The following RAD54B variants were observed in gnomAD, a reference collection of about 807,000 sequenced individuals.
The protein encoded by RAD54B is DNA repair and recombination protein RAD54B.
In RAD54B, 78 loss-of-function variants were observed where a neutral mutation model predicts 95.8. The observed-to-expected ratio is 0.81, with a 90% confidence interval of 0.68 to 0.98. RAD54B has a LOEUF of 0.98. RAD54B is among the 50% of genes least tolerant of loss of function. RAD54B has a pLI of 0.00. For missense variants in RAD54B, 957 were observed against 1,056.6 expected, an observed-to-expected ratio of 0.91 and a Z score of 1.31; for synonymous variants, 328 against 354.9, an observed-to-expected ratio of 0.92 and a Z score of 0.85.
At chr8:94,399,374 G>A (rs1811213580) in intron 8 of RAD54B, 40 bp downstream of exon 8, 5 of 1,533,556 alleles carry the variant, frequency 3.3e-6, no homozygotes, top group African/African-American at 1.4e-5. Flanking sequence ...TGTTCACTAG[G>A]CAAAAATTCC....
chr8:94,395,986 T>A (rs1256678831), intron 8 of RAD54B, among the ~76,000 whole-genome samples: 3 of 151,402 alleles, frequency 2.0e-5, no homozygotes, highest in South Asian at 2.1e-4. Context: ...CCAACTGATA[T>A]ACAAAGGGAA....
intron 2 of RAD54B, among the ~76,000 whole-genome samples, chr8:94,461,412 G>C (rs1221845888): frequency 1.3e-5 from 2 of 149,898 alleles, no homozygotes; most frequent in Non-Finnish European, 3.0e-5. Flanking sequence ...CAGGTGATCC[G>C]CCTGCCTCAG....
At chr8:94,397,886 A>AT (rs569035597) in intron 8 of RAD54B, among the ~76,000 whole-genome samples, 2,122 of 149,026 alleles carry the variant, frequency 0.014, 19 homozygotes, top group Non-Finnish European at 0.02. Flanking sequence ...CAGCTAACTC[A>AT]TTTTTTTTTT....
intron 1 of RAD54B, among the ~76,000 whole-genome samples, chr8:94,468,826 CA>C (rs1172036946): frequency 7.6e-5 from 11 of 144,742 alleles, no homozygotes; most frequent in Middle Eastern, 3.6e-3. Context: ...GACTCTGTCT[CA>C]AAAAAAAAAA....
intron 6 of RAD54B, among the ~76,000 whole-genome samples, chr8:94,401,637 T>G (rs368985965): frequency 2.0e-4 from 31 of 152,188 alleles, no homozygotes; most frequent in Non-Finnish European, 8.8e-5. Context: ...AACTCCTGAG[T>G]TGTTCAAGAG....
At chr8:94,387,856 C>T (rs1274155811) in intron 10 of RAD54B, among the ~76,000 whole-genome samples, 1 of 152,176 alleles carries the variant, frequency 6.6e-6, no homozygotes, top group Non-Finnish European at 1.5e-5. Flanking sequence ...ATGACTACAT[C>T]ACTTTTTGGG....
At chr8:94,458,640 G>C (rs1357535924) in intron 2 of RAD54B, among the ~76,000 whole-genome samples, 1 of 152,212 alleles carries the variant, frequency 6.6e-6, no homozygotes, top group Non-Finnish European at 1.5e-5. Flanking sequence ...GCCGAGGCGG[G>C]TGAATTACTT....
chr8:94,398,258 AT>A (rs1462888611), intron 8 of RAD54B, among the ~76,000 whole-genome samples: 1 of 152,064 alleles, frequency 6.6e-6, no homozygotes, highest in African/African-American at 2.4e-5. Flanking sequence ...TCCCAAAATC[AT>A]TTTTTTAAAG....
Position 94,404,141 on chromosome 8 carries a change from A to C in RAD54B, c.880T>G (p.Tyr294Asp). The part of the protein sequence containing the change: ...VDVVIDPYLV[Y>D]HLRPHQKEGI... The stretch of plus-strand genomic sequence containing the variant: ...TCTTTCTGATGTGGTCGAAGATGAT[A>C]TACAAGGTAAGGATCAATCACTACA... The change falls in exon 6 of 15, where the codon TAT becomes GAT. Residue 294 changes from tyrosine (Y) to aspartate (D), a missense_variant. By Grantham distance (160) the Tyr-to-Asp change is radical. Transcript: ENST00000336148. The C allele has an allele frequency of 6.2e-7, 1 of 1,611,180 alleles. No individual in the cohort carries two copies. The highest frequency in any genetic ancestry group is 8.5e-7 in the Non-Finnish European group (1 of 1,177,820).
At chr8:94,417,526 G>C (rs1411567744) in intron 3 of RAD54B, among the ~76,000 whole-genome samples, 1 of 149,046 alleles carries the variant, frequency 6.7e-6, no homozygotes, top group African/African-American at 2.5e-5. Context: ...TAAAGATATA[G>C]AGCAACTGAA....
At chr8:94,386,960 A>T (rs369866402) in intron 11 of RAD54B, 24 bp downstream of exon 11, 96 of 1,551,580 alleles carry the variant, frequency 6.2e-5, no homozygotes, top group Admixed American at 1.2e-4. Context: ...ATGAGCACTT[A>T]TAAGTTTGTT....
At chr8:94,436,453 G>A in intron 3 of RAD54B, 1 of 1,486,932 alleles carries the variant, frequency 6.7e-7, no homozygotes, top group Non-Finnish European at 8.9e-7. Context: ...CAATAGATAG[G>A]AGGCGCCATA....
intron 14 of RAD54B, among the ~76,000 whole-genome samples, chr8:94,377,747 C>T (rs1157988447): frequency 2.7e-5 from 4 of 150,734 alleles, no homozygotes; most frequent in Non-Finnish European, 4.4e-5. Context: ...GAGGCCGAGG[C>T]GGGCGGATCA....
chr8:94,389,293 C>T (rs1810962503), intron 10 of RAD54B, among the ~76,000 whole-genome samples: 1 of 152,220 alleles, frequency 6.6e-6, no homozygotes, highest in Admixed American at 6.5e-5. Flanking sequence ...TAACCAAGAA[C>T]ACGTATTAGA....
chr8:94,457,900 T>C (rs1812814658), intron 3 of RAD54B, among the ~76,000 whole-genome samples: 1 of 152,222 alleles, frequency 6.6e-6, no homozygotes, highest in African/African-American at 2.4e-5. Flanking sequence ...CAGACTCTAA[T>C]GAATTAACAA....
At chr8:94,439,172 G>A (rs1812338896) in intron 3 of RAD54B, among the ~76,000 whole-genome samples, 1 of 152,174 alleles carries the variant, frequency 6.6e-6, no homozygotes, top group Non-Finnish European at 1.5e-5. Context: ...TGAAGGGAGT[G>A]TAAAATGACA....
At chr8:94,446,400 A>G (rs1336694408) in intron 3 of RAD54B, among the ~76,000 whole-genome samples, 1 of 152,218 alleles carries the variant, frequency 6.6e-6, no homozygotes, top group Non-Finnish European at 1.5e-5. Flanking sequence ...GTGCATACAC[A>G]GGGCATCAAA....
intron 3 of RAD54B, among the ~76,000 whole-genome samples, chr8:94,447,967 G>A (rs529532393): frequency 3.9e-5 from 6 of 152,244 alleles, no homozygotes; most frequent in African/African-American, 1.4e-4. Context: ...AGTTATATAA[G>A]CTAGTATTTT....
chr8:94,407,786 G>A, intron 4 of RAD54B, 66 bp from the exon 5 acceptor site: 1 of 1,387,902 alleles, frequency 7.2e-7, no homozygotes, highest in Non-Finnish European at 9.8e-7. Context: ...TCCCGTAACT[G>A]TACAAAAAAA....
Sources: allele counts gnomAD v4.1 joint callset (sites outside exome capture counted in the v4.1 genomes callset), GRCh38; gene constraint gnomAD v4.1.1; transcripts MANE v1.5; gene names NCBI Gene and HGNC (gene_info 2026-07-23, HGNC 2026-07-21).